The following GTF2H1 variants were observed in gnomAD, a reference collection of about 807,000 sequenced individuals.
GTF2H1 encodes the protein BTF2 p62.
In GTF2H1, 16 loss-of-function variants were observed where a neutral mutation model predicts 71.2. The ratio of observed to expected loss-of-function variants is 0.22; its 90% confidence interval spans 0.15 to 0.34. The LOEUF is 0.34. Ranked by LOEUF, GTF2H1 falls within the 10% of genes least tolerant of loss-of-function variation. The probability of loss-of-function intolerance (pLI) is 1.00; values close to 1 mark genes in which losing one functional copy is unlikely to be tolerated. For missense variants in GTF2H1, 498 were observed against 648.2 expected (o/e 0.77, Z 2.52); for synonymous variants, 215 against 219.0 (o/e 0.98, Z 0.16).
chr11:18,347,821 T>A lies in GTF2H1; in HGVS notation c.966-11T>A. 6.3e-7 allele frequency: 1 copy of A among 1,599,000 alleles called. No homozygotes were observed. On this transcript the variant is annotated splice_polypyrimidine_tract_variant and intron_variant, in intron 8 of 14. Transcript: ENST00000265963. ...TTTTAACGTTAACTTTTTTTTCCCCTTTATTTTAAGAGAAGCACAAAATGA... is the reference window on the plus strand; with the variant it reads ...TTTTAACGTTAACTTTTTTTTCCCCATTATTTTAAGAGAAGCACAAAATGA...
chr11:18,323,430 A>G (rs1487630562), intron 1 of GTF2H1, among the ~76,000 whole-genome samples: 1 of 152,098 alleles, frequency 6.6e-6, no homozygotes, highest in African/African-American at 2.4e-5. Context: ...CCAAAGCGCC[A>G]GAATTATGCT....
At chr11:18,352,846 T>C (rs1202486618) in intron 11 of GTF2H1, among the ~76,000 whole-genome samples, 1 of 152,264 alleles carries the variant, frequency 6.6e-6, no homozygotes, top group Non-Finnish European at 1.5e-5. Context: ...CAGTTCTGCC[T>C]TCAATAATAC....
At chr11:18,332,401 T>C (rs1372179185) in intron 1 of GTF2H1, among the ~76,000 whole-genome samples, 2 of 152,282 alleles carry the variant, frequency 1.3e-5, no homozygotes, top group Admixed American at 1.3e-4. Flanking sequence ...CATTTAAGAT[T>C]CTCAGAGGCA....
chr11:18,351,237 A>AAAAAAT (rs59500473), intron 9 of GTF2H1, among the ~76,000 whole-genome samples: 1 of 151,044 alleles, frequency 6.6e-6, no homozygotes, highest in African/African-American at 2.4e-5. Flanking sequence ...GAAAAAAAAA[A>AAAAAAT]TTTTTTAAGC....
At chr11:18,355,298 A>G (rs1268769780) in intron 11 of GTF2H1, among the ~76,000 whole-genome samples, 1 of 151,002 alleles carries the variant, frequency 6.6e-6, no homozygotes, top group Non-Finnish European at 1.5e-5. Flanking sequence ...GCCCGCCACC[A>G]CGCCTGGCTA....
intron 13 of GTF2H1, among the ~76,000 whole-genome samples, chr11:18,359,343 C>A (rs1165223607): frequency 6.6e-6 from 1 of 152,002 alleles, no homozygotes; most frequent in Non-Finnish European, 1.5e-5. Context: ...GAGTTGGAGA[C>A]CAGCCTGGAC....
intron 11 of GTF2H1, among the ~76,000 whole-genome samples, chr11:18,356,646 A>G (rs185569423): frequency 1.3e-5 from 2 of 152,174 alleles, no homozygotes. Flanking sequence ...GTGCAGTAGC[A>G]CTATCATAGC....
intron 9 of GTF2H1, chr11:18,348,147 G>A: frequency 1.7e-6 from 1 of 576,546 alleles, no homozygotes; most frequent in Non-Finnish European, 3.1e-6. Context: ...TTTTTTGTTT[G>A]TTTGTTTGTT....
intron 9 of GTF2H1, among the ~76,000 whole-genome samples, chr11:18,349,776 A>G (rs373254891): frequency 6.6e-6 from 1 of 152,242 alleles, no homozygotes; most frequent in Non-Finnish European, 1.5e-5. Flanking sequence ...CAATAAACTC[A>G]TAAGTTGCAA....
intron 1 of GTF2H1, chr11:18,326,108 A>G (rs1205454727): frequency 1.3e-5 from 2 of 152,248 alleles, no homozygotes; most frequent in Admixed American, 6.5e-5. Flanking sequence ...AAAATTTACC[A>G]GGCAAATTAG....
At chr11:18,365,743 G>T (rs775029026) in intron 14 of GTF2H1, 40 bp from the exon 15 acceptor site, 1 of 1,394,652 alleles carries the variant, frequency 7.2e-7, no homozygotes, top group African/African-American at 1.4e-5. Flanking sequence ...AACTTCCCCT[G>T]CTTTTGCCCA....
In GTF2H1 at chr11:18,329,541, C is replaced by T. The variant is rs4150551; in HGVS notation, c.-15-3519C>T. Among the ~76,000 whole-genome samples the T allele has an allele frequency of 2.7e-4, 41 of 152,344 alleles. No individual in the cohort carries two copies. In the East Asian group the frequency reaches 7.7e-3, roughly 29 times the overall value. On this transcript the variant is annotated intron_variant, in intron 1 of 14. Coordinates refer to ENST00000265963, the MANE Select transcript of GTF2H1 (RefSeq NM_005316.4). Reference sequence around the variant, plus strand: ...TGCTCACAGATTAATTTCTAAAATACAAATCACTCCCCTATTCAAAAGTCT... The same window carrying T: ...TGCTCACAGATTAATTTCTAAAATATAAATCACTCCCCTATTCAAAAGTCT...
At chr11:18,359,025 C>T (rs908831954) in intron 13 of GTF2H1, among the ~76,000 whole-genome samples, 6 of 152,058 alleles carry the variant, frequency 3.9e-5, no homozygotes, top group Non-Finnish European at 7.4e-5. Flanking sequence ...ACACTAAAAC[C>T]GCTTTAACCA....
At position 18,339,669 on chromosome 11, in the gene GTF2H1, C is replaced by G; in HGVS notation, c.607+12C>G. 1.4e-6 allele frequency: 2 copies of G among 1,404,386 alleles called. No individual in the cohort carries two copies. Among genetic ancestry groups the G allele is most frequent in the Non-Finnish European group, 2.0e-6 (2 of 991,444 alleles). The allele number at this position is 1,404,386 out of a possible 1,614,324, so 87.0% of individuals were successfully genotyped here. ...GACCTATCCAGCAGGTAAGAAGAAT[C>G]AGTTCTTTCAGATGGTTAAAATATA... On this transcript the variant is annotated intron_variant, in intron 5 of 14. Transcript: ENST00000265963.
intron 1 of GTF2H1, among the ~76,000 whole-genome samples, chr11:18,323,451 G>T (rs896780148): frequency 1.3e-5 from 2 of 151,934 alleles, no homozygotes; most frequent in African/African-American, 4.8e-5. Flanking sequence ...ACAGTGCCTG[G>T]CCCCAAATGA....
intron 14 of GTF2H1, among the ~76,000 whole-genome samples, chr11:18,360,953 A>G (rs1865682381): frequency 6.6e-6 from 1 of 151,804 alleles, no homozygotes; most frequent in South Asian, 2.1e-4. Context: ...TTACAAGCGC[A>G]TGCTGCCACG....
At chr11:18,340,163 A>C (rs867591988) in intron 5 of GTF2H1, among the ~76,000 whole-genome samples, 2 of 152,048 alleles carry the variant, frequency 1.3e-5, no homozygotes, top group African/African-American at 4.8e-5. Context: ...TGCCACCTCT[A>C]TGAAATCCTG....
chr11:18,350,186 G>C (rs1029390032), intron 9 of GTF2H1, among the ~76,000 whole-genome samples: 5 of 152,174 alleles, frequency 3.3e-5, no homozygotes, highest in Admixed American at 2.0e-4. Flanking sequence ...CTCACTTGTA[G>C]AATGAGAGAT....
At chr11:18,333,309 A>C in intron 2 of GTF2H1, 81 bp downstream of exon 2, 2 of 1,013,070 alleles carry the variant, frequency 2.0e-6, no homozygotes, top group South Asian at 3.6e-5. Context: ...ATAAATCTTT[A>C]TTTTATATCA....
Sources: allele counts gnomAD v4.1 joint callset (sites outside exome capture counted in the v4.1 genomes callset), GRCh38; gene constraint gnomAD v4.1.1; transcripts MANE v1.5; gene names NCBI Gene and HGNC (gene_info 2026-07-23, HGNC 2026-07-21).